BTBD9: variants seen among roughly 807,000 people sequenced by gnomAD.
BTBD9 encodes the protein BTB domain containing 9, also known as BTB/POZ domain-containing protein 9.
A neutral mutation model predicts 64.3 loss-of-function variants in BTBD9; 49 were observed. The ratio of observed to expected loss-of-function variants is 0.76; its 90% CI spans 0.61 to 0.97. The LOEUF is 0.97. Among genes scored for constraint, BTBD9 ranks in the 50% least tolerant of loss-of-function variants. BTBD9 has a pLI of 0.00. For synonymous variants in BTBD9, 260 were observed against 274.7 expected, an observed-to-expected ratio of 0.95 and a Z score of 0.53; for missense variants, 598 against 762.1, an observed-to-expected ratio of 0.78 and a Z score of 2.53.
intron 6 of BTBD9, among the ~76,000 whole-genome samples, chr6:38,438,741 T>C (rs969767134): frequency 3.3e-5 from 5 of 151,840 alleles, no homozygotes; most frequent in African/African-American, 7.2e-5. Flanking sequence ...TGGGGAAAGA[T>C]AGAGACAACA....
chr6:38,185,954 C>G (rs528141514), intron 10 of BTBD9, among the ~76,000 whole-genome samples: 2 of 152,190 alleles, frequency 1.3e-5, no homozygotes, highest in Non-Finnish European at 2.9e-5. Flanking sequence ...CATGGTGTCC[C>G]GTTGGGTACA....
At chr6:38,458,260 A>C (rs1245550669) in intron 6 of BTBD9, among the ~76,000 whole-genome samples, 1 of 152,238 alleles carries the variant, frequency 6.6e-6, no homozygotes, top group Non-Finnish European at 1.5e-5. Flanking sequence ...CTACCTGCAA[A>C]ATGAGTTCTT....
chr6:38,486,021 C>A (rs986835733), intron 6 of BTBD9, among the ~76,000 whole-genome samples: 17 of 152,208 alleles, frequency 1.1e-4, no homozygotes, highest in Admixed American at 2.6e-4. Flanking sequence ...CTTCTTCTTG[C>A]ATTTTTATGT....
intron 6 of BTBD9, among the ~76,000 whole-genome samples, chr6:38,373,217 T>C (rs761047221): frequency 4.6e-5 from 7 of 152,186 alleles, no homozygotes; most frequent in Non-Finnish European, 1.0e-4. Context: ...TAATCCCTGA[T>C]GAAGGTGATT....
At chr6:38,430,289 A>T (rs940526689) in intron 6 of BTBD9, among the ~76,000 whole-genome samples, 6 of 151,668 alleles carry the variant, frequency 4.0e-5, no homozygotes, top group African/African-American at 1.5e-4. Flanking sequence ...GCATGATCAT[A>T]GCTCACTGAA....
chr6:38,583,235 T>C (rs978826350), intron 4 of BTBD9, among the ~76,000 whole-genome samples: 2 of 152,218 alleles, frequency 1.3e-5, no homozygotes, highest in African/African-American at 2.4e-5. Flanking sequence ...CGGTGGCTCA[T>C]GCCTATAATC....
At chr6:38,516,205 G>C (rs553375984) in intron 6 of BTBD9, among the ~76,000 whole-genome samples, 14 of 152,156 alleles carry the variant, frequency 9.2e-5, no homozygotes, top group African/African-American at 3.4e-4. Context: ...ACCTTCACTG[G>C]ACTAGAAAAT....
At chr6:38,311,991 A>G (rs1224719330) in intron 7 of BTBD9, among the ~76,000 whole-genome samples, 1 of 152,108 alleles carries the variant, frequency 6.6e-6, no homozygotes, top group Non-Finnish European at 1.5e-5. Context: ...CCTCCTGAGT[A>G]GCTGGGACTA....
At chr6:38,385,716 TTA>T (rs1479452593) in intron 6 of BTBD9, among the ~76,000 whole-genome samples, 3 of 152,028 alleles carry the variant, frequency 2.0e-5, no homozygotes, top group African/African-American at 7.2e-5. Flanking sequence ...AAGAAGAACA[TTA>T]TATGTTTTTT....
At position 38,461,440 on chromosome 6, in the gene BTBD9, G is replaced by A. The variant is rs1770081829; in HGVS notation, c.1154+116160C>T. ...TACAGTATGTATTATTTTTTGTTTGGCTTACTTTGCTCAACATAATTATTC... is the reference window on the plus strand; with the variant it reads ...TACAGTATGTATTATTTTTTGTTTGACTTACTTTGCTCAACATAATTATTC... On this transcript the variant is annotated intron_variant, in intron 6 of 10. Transcript: ENST00000481247. Among the ~76,000 whole-genome samples the A allele has an allele frequency of 3.3e-5, 5 of 151,982 alleles. No homozygotes were observed. In the South Asian group the frequency reaches 1.0e-3, roughly 32 times the overall value.
chr6:38,347,551 G>A (rs1193629514), intron 6 of BTBD9, among the ~76,000 whole-genome samples: 1 of 152,176 alleles, frequency 6.6e-6, no homozygotes, highest in Non-Finnish European at 1.5e-5. Flanking sequence ...TTTAAAAAAT[G>A]TGACATCAAA....
intron 6 of BTBD9, among the ~76,000 whole-genome samples, chr6:38,451,283 T>A (rs1449579305): frequency 6.6e-6 from 1 of 152,216 alleles, no homozygotes; most frequent in Non-Finnish European, 1.5e-5. Context: ...ACTTGACAAA[T>A]ACTTGCTCAA....
rs189005621 is a variant in BTBD9, at chr6:38,486,241, A to G, written c.1154+91359T>C. On this transcript the variant is annotated intron_variant, in intron 6 of 10. Coordinates refer to ENST00000481247, the MANE Select transcript of BTBD9 (RefSeq NM_001099272.2). ...TGGTCTTCTATCCATACCCACTCAA[A>G]CTTTCTCCATATCAGCAATGGCTGC... is the stretch of plus-strand genomic sequence containing the variant. 2.8e-4 allele frequency among the ~76,000 whole-genome samples: 42 copies of G among 152,246 alleles called. 2 individuals are homozygous for G. In the East Asian group the frequency reaches 5.8e-3, roughly 21 times the overall value.
intron 9 of BTBD9, among the ~76,000 whole-genome samples, chr6:38,200,254 G>A (rs1329687471): frequency 1.3e-5 from 2 of 152,106 alleles, no homozygotes; most frequent in African/African-American, 4.8e-5. Context: ...AAAACCTGTG[G>A]GACACTGCAA....
chr6:38,630,250 C>T (rs1778317377), intron 1 of BTBD9, among the ~76,000 whole-genome samples: 1 of 150,704 alleles, frequency 6.6e-6, no homozygotes. Context: ...AAACTGAATG[C>T]ACCACATGGC....
intron 6 of BTBD9, chr6:38,571,562 T>A (rs1775768623): frequency 2.6e-5 from 4 of 152,082 alleles, no homozygotes; most frequent in African/African-American, 7.2e-5. Context: ...CAAAACACAG[T>A]AAAGTTAGAG....
intron 9 of BTBD9, among the ~76,000 whole-genome samples, chr6:38,202,689 G>A (rs541737025): frequency 1.3e-5 from 2 of 152,256 alleles, no homozygotes; most frequent in African/African-American, 4.8e-5. Context: ...AATAAATGGT[G>A]CTGGGAAAAT....
chr6:38,256,695 T>G (rs1469801812), intron 8 of BTBD9, among the ~76,000 whole-genome samples, 179 bp from the exon 9 acceptor site: 1 of 152,114 alleles, frequency 6.6e-6, no homozygotes, highest in Non-Finnish European at 1.5e-5. Context: ...AGTGAGAGGC[T>G]TTTTATCTTT....
Position 38,577,620 on chromosome 6 carries a change from A to T in BTBD9, c.1134T>A (p.Tyr378Ter). ...CTAACCTGCAGACACGGGCTGGAAA[A>T]TATAATTTCTGCCAAGAACGACACA... is the stretch of plus-strand genomic sequence containing the variant. ...QYLCRSWQKL[Y>*]FPARVCRYIR... Residue 378 changes from tyrosine (Y) to a stop codon, truncating the protein, a stop_gained, in exon 6 of 11, where the codon TAT (tyrosine) becomes TAA (stop). Transcript: ENST00000481247. LOFTEE classifies it high-confidence loss of function. The T allele has an allele frequency of 6.2e-7, 1 of 1,609,514 alleles. No homozygotes were observed.
Sources: allele counts gnomAD v4.1 joint callset (sites outside exome capture counted in the v4.1 genomes callset), GRCh38; gene constraint gnomAD v4.1.1; transcripts MANE v1.5; gene names NCBI Gene and HGNC (gene_info 2026-07-23, HGNC 2026-07-21).